The following WDR64 variants were observed in gnomAD, a reference collection of about 807,000 sequenced individuals.
WDR64 encodes the protein WD repeat domain 64, also known as WD repeat-containing protein 64.
A neutral mutation model predicts 139.3 loss-of-function variants in WDR64; 112 were observed. The ratio of observed to expected loss-of-function variants is 0.80; its 90% CI spans 0.69 to 0.94. WDR64 has a LOEUF of 0.94. WDR64 is among the 40% of genes least tolerant of loss of function. The pLI is 0.00. For synonymous variants in WDR64, 444 were observed against 437.7 expected, an observed-to-expected ratio of 1.01 and a Z score of -0.18; for missense variants, 1,206 against 1,293.1, an observed-to-expected ratio of 0.93 and a Z score of 1.03.
chr1:241,775,665 C>A lies in WDR64; in HGVS notation c.2536+455C>A, dbSNP rs76710039. ...TATGGTCAGTCTTTCTAACAAAATTCTTTCTTCCATTCTTCCTTTATGCTT... is the reference window on the plus strand; with the variant it reads ...TATGGTCAGTCTTTCTAACAAAATTATTTCTTCCATTCTTCCTTTATGCTT... On this transcript the variant is annotated intron_variant, in intron 21 of 27. Transcript: ENST00000437684. 6.6e-3 allele frequency among the ~76,000 whole-genome samples: 1,007 copies of A among 152,136 alleles called. 7 individuals carry two copies. The highest frequency in any genetic ancestry group is 0.023 in the African/African-American group (944 of 41,534).
intron 12 of WDR64, among the ~76,000 whole-genome samples, chr1:241,742,974 T>G (rs1298370738): frequency 6.6e-6 from 1 of 152,230 alleles, no homozygotes; most frequent in Non-Finnish European, 1.5e-5. Context: ...ACGTGTGGAC[T>G]AGCAGACAGC....
chr1:241,733,766 A>G (rs1198773168), intron 10 of WDR64, among the ~76,000 whole-genome samples: 1 of 151,894 alleles, frequency 6.6e-6, no homozygotes, highest in Non-Finnish European at 1.5e-5. Flanking sequence ...TCTTAACAAC[A>G]TATCTCTGTC....
At chr1:241,691,048 C>T (rs115455332) in intron 8 of WDR64, among the ~76,000 whole-genome samples, 6 of 151,974 alleles carry the variant, frequency 3.9e-5, no homozygotes, top group African/African-American at 7.2e-5. Context: ...TTTTAATATA[C>T]TTGTACTGCC....
rs767768184 is a variant in WDR64, at chr1:241,785,407, C to T, written c.2705+2026C>T. On this transcript the variant is annotated intron_variant, in intron 23 of 27. Transcript: ENST00000437684. ...GGTGAAAGAGGCAAACAAGCTCCCT[C>T]GGGCCTCTTTTTAAAAGACACTAAT... Among the ~76,000 whole-genome samples the T allele has an allele frequency of 3.5e-4, 53 of 152,134 alleles. 1 individual carries two copies. Among genetic ancestry groups the T allele is most frequent in the Non-Finnish European group, 3.5e-4 (24 of 68,018 alleles).
intron 1 of WDR64, among the ~76,000 whole-genome samples, chr1:241,653,272 A>C (rs1665433751): frequency 6.6e-6 from 1 of 152,216 alleles, no homozygotes; most frequent in African/African-American, 2.4e-5. Context: ...GACTAACAGA[A>C]CAAACCCTGC....
chr1:241,771,778 T>G, intron 19 of WDR64, 81 bp downstream of exon 19: 4 of 808,448 alleles, frequency 4.9e-6, no homozygotes, highest in South Asian at 3.7e-5. Flanking sequence ...GTATTCTTAA[T>G]GAATATATAT....
chr1:241,740,709 C>T (rs1389454295), intron 11 of WDR64, among the ~76,000 whole-genome samples: 1 of 151,462 alleles, frequency 6.6e-6, no homozygotes, highest in African/African-American at 2.4e-5. Flanking sequence ...GCTCTGTCGC[C>T]CAGGCTAGAG....
intron 12 of WDR64, among the ~76,000 whole-genome samples, 162 bp downstream of exon 12, chr1:241,741,826 C>T (rs151000034): frequency 1.3e-5 from 2 of 152,320 alleles, no homozygotes; most frequent in East Asian, 3.9e-4. Context: ...GAAAAACAAG[C>T]GTTTTAATTA....
intron 15 of WDR64, among the ~76,000 whole-genome samples, chr1:241,762,684 G>A (rs1657974261): frequency 6.6e-6 from 1 of 151,424 alleles, no homozygotes; most frequent in East Asian, 1.9e-4. Context: ...ATTGAGAAAA[G>A]TCTTCAGTTT....
Position 241,801,429 on chromosome 1 carries a change from G to A in WDR64, c.*214G>A. 2.1e-6 allele frequency: 1 copy of A among 485,286 alleles called. No homozygotes were observed. The highest frequency in any genetic ancestry group is 3.5e-5 in the Admixed American group (1 of 28,850). 30.1% of individuals were successfully genotyped at this position (485,286 alleles called of 1,614,324 possible). On this transcript the variant is annotated 3_prime_UTR_variant, in exon 28 of 28. Transcript: ENST00000437684. ...GCAAGCAGCCAGAAGTTTAGGCGGT[G>A]TTTCTTATTTACTGTCAGCAAACTG...
chr1:241,682,782 T>C (rs1666859239), intron 6 of WDR64, among the ~76,000 whole-genome samples: 1 of 152,236 alleles, frequency 6.6e-6, no homozygotes, highest in Admixed American at 6.5e-5. Context: ...ATGTGGCCTT[T>C]TCAGTCACTG....
intron 2 of WDR64, among the ~76,000 whole-genome samples, chr1:241,665,229 A>C (rs1665986248): frequency 6.6e-6 from 1 of 152,072 alleles, no homozygotes; most frequent in Non-Finnish European, 1.5e-5. Context: ...TGGGGCAGGA[A>C]TGTTCTTCTT....
chr1:241,653,533 C>CTTTTT (rs1558454769), intron 1 of WDR64, among the ~76,000 whole-genome samples: 1 of 111,880 alleles, frequency 8.9e-6, no homozygotes. Flanking sequence ...AAATTCTTTT[C>CTTTTT]TTTTCTTTTC....
intron 27 of WDR64, 50 bp downstream of exon 27, chr1:241,796,420 TTC>T (rs780071887): frequency 7.3e-6 from 9 of 1,238,356 alleles, no homozygotes; most frequent in South Asian, 1.3e-5. Context: ...TGTATCCTAT[TTC>T]TGTTTGTTTT....
intron 15 of WDR64, among the ~76,000 whole-genome samples, chr1:241,761,167 A>G (rs1354112945): frequency 6.6e-6 from 1 of 152,218 alleles, no homozygotes; most frequent in African/African-American, 2.4e-5. Flanking sequence ...ATGAGAAATC[A>G]AAACAAGTGC....
intron 7 of WDR64, among the ~76,000 whole-genome samples, chr1:241,686,191 C>T (rs1044124538): frequency 2.0e-5 from 3 of 152,138 alleles, no homozygotes; most frequent in Non-Finnish European, 2.9e-5. Context: ...TCAAACCTCA[C>T]CAGAATGACA....
Position 241,652,389 on chromosome 1 carries a change from G to C in WDR64, c.-96G>C, listed in dbSNP as rs12120410. 2 of 1,314,534 alleles carry C rather than the reference G, an allele frequency of 1.5e-6. No individual in the cohort carries two copies. The highest frequency in any genetic ancestry group is 1.5e-5 in the African/African-American group (1 of 67,274). The allele number at this position is 1,314,534 out of a possible 1,614,324, so 81.4% of individuals were successfully genotyped here. A position where few individuals can be genotyped will look rare whatever the true frequency, so the allele number is the denominator to read the frequency against. On this transcript the variant is annotated 5_prime_UTR_variant, in exon 1 of 28. Coordinates refer to ENST00000437684, the MANE Select transcript of WDR64 (RefSeq NM_001367482.1). ...GAATTAGACCTAGGGCAAAAACTGA[G>C]ACAGCAGGGAGGCACTGTAACAACT...
chr1:241,669,593 G>A (rs753097494), intron 2 of WDR64, among the ~76,000 whole-genome samples: 2 of 152,196 alleles, frequency 1.3e-5, no homozygotes, highest in African/African-American at 2.4e-5. Flanking sequence ...AAGTCTCGAT[G>A]AGCCTGATTT....
chr1:241,723,256 A>G lies in WDR64; in HGVS notation c.1055-41A>G, dbSNP rs778255640. On this transcript the variant is annotated intron_variant, in intron 9 of 27. Transcript: ENST00000437684. ...GAGAGATACATTTGAAACTCTGACC[A>G]CCTCAGAAAACCAACAATCTTTCCC... 5.0e-6 allele frequency: 8 copies of G among 1,610,606 alleles called. No homozygotes were observed. The East Asian group carries it at 1.8e-4, about 36-fold the overall frequency.
Sources: gnomAD v4.1 joint callset for allele counts (sites outside exome capture counted in the v4.1 genomes callset) on GRCh38, gnomAD v4.1.1 for gene constraint, MANE v1.5 for transcripts, NCBI Gene and HGNC (gene_info 2026-07-23, HGNC 2026-07-21) for gene names.